The following XKR4 variants were observed in gnomAD, a reference collection of about 807,000 sequenced individuals.
XKR4 encodes the protein XK-related protein 4.
XKR4 carries 12 observed loss-of-function variants against 53.9 expected under a neutral mutation model. That is an observed-to-expected ratio of 0.22 (90% CI 0.14 to 0.36). The LOEUF (loss-of-function observed/expected upper bound fraction) is 0.36. Ranked by LOEUF, XKR4 falls within the 10% of genes least tolerant of loss-of-function variation. The probability of loss-of-function intolerance (pLI) is 1.00; values close to 1 mark genes in which losing one functional copy is unlikely to be tolerated. For missense variants in XKR4, 799 were observed against 859.5 expected (o/e 0.93, Z 0.88); for synonymous variants, 354 against 362.4 (o/e 0.98, Z 0.26).
At chr8:55,212,157 G>T (rs1817740252) in intron 1 of XKR4, among the ~76,000 whole-genome samples, 2 of 151,822 alleles carry the variant, frequency 1.3e-5, no homozygotes, top group African/African-American at 4.8e-5. Flanking sequence ...AGAGACCAAG[G>T]TTCTTATTAT....
intron 1 of XKR4, among the ~76,000 whole-genome samples, chr8:55,253,731 C>CTTTTTT (rs67608017): frequency 4.2e-4 from 48 of 113,706 alleles, no homozygotes; most frequent in African/African-American, 7.3e-4. Flanking sequence ...ATTTTCTTTT[C>CTTTTTT]TTTTTTTTTT....
intron 1 of XKR4, among the ~76,000 whole-genome samples, chr8:55,261,412 A>T (rs1223669158): frequency 6.6e-6 from 1 of 152,214 alleles, no homozygotes; most frequent in Admixed American, 6.5e-5. Context: ...ACACTTTCAG[A>T]TCTTAGTTTA....
Position 55,530,272 on chromosome 8 carries a change from AT to A in XKR4, c.*6050del, listed in dbSNP as rs377115680. On this transcript the variant is annotated 3_prime_UTR_variant, in exon 3 of 3. Coordinates refer to ENST00000327381, the MANE Select transcript of XKR4 (RefSeq NM_052898.2). ...AAGGTAATTCTGTTTCACTGCCATA[AT>A]TTTTCCCTAAATTTTATTTAATATC... is the stretch of plus-strand genomic sequence containing the variant. The A allele has an allele frequency of 7.5e-4, 114 of 152,136 alleles. 2 individuals carry two copies. The highest frequency in any genetic ancestry group is 2.7e-3 in the African/African-American group (110 of 41,492). The allele number at this position is 152,136 out of a possible 1,614,324, so 9.4% of individuals were successfully genotyped here. A position where few individuals can be genotyped will look rare whatever the true frequency, so the allele number is the denominator to read the frequency against.
chr8:55,330,757 C>T (rs915511664), intron 1 of XKR4, among the ~76,000 whole-genome samples: 5 of 152,090 alleles, frequency 3.3e-5, no homozygotes, highest in Admixed American at 2.6e-4. Context: ...CCCCAGAAGT[C>T]GTGAGTGTTC....
intron 1 of XKR4, among the ~76,000 whole-genome samples, chr8:55,249,569 G>T (rs1468719912): frequency 1.3e-5 from 2 of 152,150 alleles, no homozygotes; most frequent in Non-Finnish European, 2.9e-5. Flanking sequence ...GTTTCAAATT[G>T]TCATTCAAGT....
At chr8:55,156,637 G>T (rs1047857541) in intron 1 of XKR4, among the ~76,000 whole-genome samples, 3 of 152,192 alleles carry the variant, frequency 2.0e-5, no homozygotes, top group Non-Finnish European at 4.4e-5. Flanking sequence ...AACTAGAAAA[G>T]AATGGAGTGT....
chr8:55,504,892 T>C (rs190809441), intron 2 of XKR4, among the ~76,000 whole-genome samples: 9 of 152,240 alleles, frequency 5.9e-5, no homozygotes, highest in Admixed American at 5.9e-4. Context: ...TTCTGTAAAA[T>C]TCGTAGTGAT....
intron 2 of XKR4, among the ~76,000 whole-genome samples, chr8:55,495,819 T>C (rs1806338420): frequency 6.6e-6 from 1 of 152,236 alleles, no homozygotes. Context: ...CTGCTTCTGC[T>C]GCCACTGCTA....
chr8:55,230,362 A>ATTT (rs1171337887), intron 1 of XKR4, among the ~76,000 whole-genome samples: 3 of 59,240 alleles, frequency 5.1e-5, no homozygotes, highest in East Asian at 4.8e-4. Context: ...AGAAAGAGAC[A>ATTT]CTTTTTTTTT....
chr8:55,163,753 G>A (rs1021229611), intron 1 of XKR4, among the ~76,000 whole-genome samples: 6 of 152,142 alleles, frequency 3.9e-5, no homozygotes, highest in African/African-American at 1.4e-4. Context: ...GCTGAGGCAG[G>A]AGAATCGGTT....
intron 1 of XKR4, among the ~76,000 whole-genome samples, chr8:55,203,100 G>C (rs1349397242): frequency 6.6e-6 from 1 of 152,232 alleles, no homozygotes; most frequent in Non-Finnish European, 1.5e-5. Context: ...GCACAGAATA[G>C]CTACCAGGGT....
At chr8:55,466,949 C>T (rs1270689400) in intron 2 of XKR4, among the ~76,000 whole-genome samples, 2 of 152,144 alleles carry the variant, frequency 1.3e-5, no homozygotes, top group Non-Finnish European at 2.9e-5. Flanking sequence ...ACCACAGACT[C>T]AGCAGCTTAA....
intron 1 of XKR4, among the ~76,000 whole-genome samples, chr8:55,149,767 T>C (rs1816817469): frequency 6.6e-6 from 1 of 152,204 alleles, no homozygotes; most frequent in African/African-American, 2.4e-5. Flanking sequence ...TGTTAACTAT[T>C]GCAGAAGCAG....
At chr8:55,265,816 T>TA (rs746816740) in intron 1 of XKR4, among the ~76,000 whole-genome samples, 54 of 144,152 alleles carry the variant, frequency 3.7e-4, no homozygotes, top group East Asian at 1.6e-3. Flanking sequence ...ATGTCTCTAC[T>TA]AAAAAAAAAA....
chr8:55,404,555 C>A (rs1010909686), intron 2 of XKR4, among the ~76,000 whole-genome samples: 7 of 152,226 alleles, frequency 4.6e-5, no homozygotes, highest in African/African-American at 1.7e-4. Flanking sequence ...CATTTCCATG[C>A]TCACTACAGA....
chr8:55,259,256 T>C (rs920647503), intron 1 of XKR4, among the ~76,000 whole-genome samples: 1 of 152,242 alleles, frequency 6.6e-6, no homozygotes, highest in Non-Finnish European at 1.5e-5. Context: ...ATTTAGCCAT[T>C]GTAACCCTTG....
At chr8:55,209,367 A>G (rs977818949) in intron 1 of XKR4, among the ~76,000 whole-genome samples, 1 of 152,142 alleles carries the variant, frequency 6.6e-6, no homozygotes. Flanking sequence ...AAATCAATTA[A>G]TCTGCTCGTC....
At chr8:55,178,449 T>G (rs1585922035) in intron 1 of XKR4, among the ~76,000 whole-genome samples, 2 of 152,232 alleles carry the variant, frequency 1.3e-5, no homozygotes, top group African/African-American at 4.8e-5. Flanking sequence ...ACGTCAAACG[T>G]TCAGTACAAT....
intron 2 of XKR4, among the ~76,000 whole-genome samples, chr8:55,377,618 G>A (rs1255036755): frequency 1.3e-5 from 2 of 152,044 alleles, no homozygotes; most frequent in Admixed American, 1.3e-4. Flanking sequence ...AAGAAGGAAA[G>A]GAAAGGAGAG....
Sources: gnomAD v4.1 joint callset for allele counts (sites outside exome capture counted in the v4.1 genomes callset) on GRCh38, gnomAD v4.1.1 for gene constraint, MANE v1.5 for transcripts, NCBI Gene and HGNC (gene_info 2026-07-23, HGNC 2026-07-21) for gene names.